PTPN14: variants seen among roughly 807,000 people sequenced by gnomAD.
PTPN14 encodes the protein tyrosine-protein phosphatase non-receptor type 14.
Under a neutral mutation model 126.8 loss-of-function variants are expected in PTPN14, and 53 were observed. The ratio of observed to expected loss-of-function variants is 0.42; its 90% confidence interval spans 0.34 to 0.53. The LOEUF (loss-of-function observed/expected upper bound fraction) is 0.53. Ranked by LOEUF, PTPN14 falls within the 20% of genes least tolerant of loss-of-function variation. The pLI is 0.08. For synonymous variants in PTPN14, 630 were observed against 599.3 expected, an observed-to-expected ratio of 1.05 and a Z score of -0.75; for missense variants, 1,257 against 1,552.9, an observed-to-expected ratio of 0.81 and a Z score of 3.20.
intron 11 of PTPN14, among the ~76,000 whole-genome samples, chr1:214,389,360 T>C (rs1658699257): frequency 6.6e-6 from 1 of 152,274 alleles, no homozygotes; most frequent in Non-Finnish European, 1.5e-5. Flanking sequence ...TTCAGGATTA[T>C]ATTATTTATT....
At chr1:214,410,481 T>C (rs1659282615) in intron 5 of PTPN14, among the ~76,000 whole-genome samples, 1 of 152,096 alleles carries the variant, frequency 6.6e-6, no homozygotes, top group Non-Finnish European at 1.5e-5. Context: ...TTAGTAGAGA[T>C]GGGGTTTCAC....
intron 1 of PTPN14, among the ~76,000 whole-genome samples, chr1:214,490,038 C>T (rs570572532): frequency 3.9e-5 from 6 of 152,150 alleles, no homozygotes; most frequent in Non-Finnish European, 7.4e-5. Flanking sequence ...TAGGCCAAAG[C>T]CAATCCTCTT....
chr1:214,526,840 C>G (rs1161755993), intron 1 of PTPN14, among the ~76,000 whole-genome samples: 1 of 152,150 alleles, frequency 6.6e-6, no homozygotes, highest in Admixed American at 6.5e-5. Context: ...GCCTGTAATC[C>G]CAGCACTTTC....
At chr1:214,487,490 G>C (rs192090119) in intron 1 of PTPN14, among the ~76,000 whole-genome samples, 2 of 152,126 alleles carry the variant, frequency 1.3e-5, no homozygotes, top group Admixed American at 6.5e-5. Flanking sequence ...GCCAGGCATA[G>C]TGGCATGTGC....
intron 1 of PTPN14, among the ~76,000 whole-genome samples, chr1:214,505,593 T>G (rs1032881428): frequency 6.6e-5 from 10 of 152,172 alleles, no homozygotes; most frequent in African/African-American, 2.2e-4. Flanking sequence ...AGCCTTTCAT[T>G]ACTTTTTCTT....
At chr1:214,420,161 G>A (rs1184123513) in intron 3 of PTPN14, among the ~76,000 whole-genome samples, 1 of 152,186 alleles carries the variant, frequency 6.6e-6, no homozygotes, top group African/African-American at 2.4e-5. Context: ...TAGGGAGGGG[G>A]AAAACACAAA....
At chr1:214,522,968 G>A (rs565011840) in intron 1 of PTPN14, among the ~76,000 whole-genome samples, 262 of 152,294 alleles carry the variant, frequency 1.7e-3, no homozygotes, top group Non-Finnish European at 2.4e-3. Flanking sequence ...ACTAAATCGA[G>A]ATCTTTTGAA....
At chr1:214,513,578 CG>C (rs1453414619) in intron 1 of PTPN14, among the ~76,000 whole-genome samples, 2 of 152,170 alleles carry the variant, frequency 1.3e-5, no homozygotes, top group African/African-American at 4.8e-5. Context: ...CTGTGTGCTA[CG>C]GGTGTGCTTT....
intron 16 of PTPN14, among the ~76,000 whole-genome samples, chr1:214,372,086 C>T (rs1409526390): frequency 6.6e-6 from 1 of 152,232 alleles, no homozygotes; most frequent in East Asian, 1.9e-4. Context: ...CCCACAAAGA[C>T]AGCAAGCTCA....
At chr1:214,447,347 T>C (rs1660168238) in intron 3 of PTPN14, among the ~76,000 whole-genome samples, 1 of 152,148 alleles carries the variant, frequency 6.6e-6, no homozygotes, top group African/African-American at 2.4e-5. Flanking sequence ...TTTCACCTTG[T>C]GTTGAGCACA....
intron 14 of PTPN14, 113 bp downstream of exon 14, chr1:214,377,846 T>A (rs984927897): frequency 7.0e-6 from 9 of 1,289,940 alleles, no homozygotes; most frequent in Admixed American, 2.2e-5. Context: ...TAATCTCAGA[T>A]TGAAGAAAGA....
At chr1:214,398,238 G>A (rs1658931931) in intron 7 of PTPN14, among the ~76,000 whole-genome samples, 1 of 152,204 alleles carries the variant, frequency 6.6e-6, no homozygotes, top group South Asian at 2.1e-4. Flanking sequence ...GCCAGGTACA[G>A]AAAGCAAATA....
chr1:214,357,832 C>G lies in PTPN14; in HGVS notation c.*90G>C. ...GCCTGTTTGCTGCCAGCCACCTGCA[C>G]CCCTGTGGGGGGAGCAGATGTTGTC... On this transcript the variant is annotated 3_prime_UTR_variant, in exon 19 of 19. Transcript: ENST00000366956. 8.1e-7 allele frequency: 1 copy of G among 1,227,356 alleles called. No individual in the cohort carries two copies. The highest frequency in any genetic ancestry group is 1.2e-6 in the Non-Finnish European group (1 of 865,714). The allele number at this position is 1,227,356 out of a possible 1,614,324, so 76.0% of individuals were successfully genotyped here.
intron 1 of PTPN14, chr1:214,482,710 T>C: frequency 7.9e-7 from 1 of 1,269,522 alleles, no homozygotes; most frequent in Non-Finnish European, 1.1e-6. Context: ...AGAGCAAAAG[T>C]TAAGACTCTC....
intron 10 of PTPN14, among the ~76,000 whole-genome samples, chr1:214,392,409 C>G (rs1017509124): frequency 6.6e-6 from 1 of 152,092 alleles, no homozygotes; most frequent in African/African-American, 2.4e-5. Flanking sequence ...AAAATAAACA[C>G]TCCGTAAATT....
chr1:214,500,761 T>A (rs886521611), intron 1 of PTPN14, among the ~76,000 whole-genome samples: 2 of 151,682 alleles, frequency 1.3e-5, no homozygotes, highest in South Asian at 2.1e-4. Context: ...AAAAAAAAAA[T>A]TATTGAAAGA....
At chr1:214,497,064 A>G (rs1340559348) in intron 1 of PTPN14, among the ~76,000 whole-genome samples, 1 of 152,124 alleles carries the variant, frequency 6.6e-6, no homozygotes, top group African/African-American at 2.4e-5. Context: ...ACAACAAGAA[A>G]TAAGTTAGCA....
chr1:214,423,347 A>G (rs1319320808), intron 3 of PTPN14, among the ~76,000 whole-genome samples: 1 of 152,072 alleles, frequency 6.6e-6, no homozygotes, highest in Non-Finnish European at 1.5e-5. Flanking sequence ...CCCAAAAAAG[A>G]AAGATAAGAA....
chr1:214,390,974 G>A lies in PTPN14; in HGVS notation c.987+14C>T. 3 of 1,508,220 alleles carry A rather than the reference G, an allele frequency of 2.0e-6. No individual in the cohort carries two copies. Among genetic ancestry groups the A allele is most frequent in the Non-Finnish European group, 2.7e-6 (3 of 1,106,506 alleles). 93.4% of individuals were successfully genotyped at this position (1,508,220 alleles called of 1,614,324 possible). ...ACAGTCAGATCACTTGATCACTGCA[G>A]CTTCTATACATACCAGAGAGGATCG... On this transcript the variant is annotated intron_variant, in intron 11 of 18. Transcript: ENST00000366956.
Sources: gnomAD v4.1 joint callset for allele counts (sites outside exome capture counted in the v4.1 genomes callset) on GRCh38, gnomAD v4.1.1 for gene constraint, MANE v1.5 for transcripts, NCBI Gene and HGNC (gene_info 2026-07-23, HGNC 2026-07-21) for gene names.